The following TBC1D9 variants were observed in gnomAD, a reference collection of about 807,000 sequenced individuals.
TBC1D9 encodes the protein TBC1 domain family member 9.
Under a neutral mutation model 132.0 loss-of-function variants are expected in TBC1D9, and 63 were observed. The observed-to-expected ratio is 0.48, with a 90% CI of 0.39 to 0.59. The LOEUF is 0.59. Among genes scored for constraint, TBC1D9 ranks in the 20% least tolerant of loss-of-function variants. The pLI is 0.00. For missense variants in TBC1D9, 1,261 were observed against 1,592.7 expected (o/e 0.79, Z 3.54); for synonymous variants, 610 against 609.9 (o/e 1.00, Z 0.00).
intron 1 of TBC1D9, among the ~76,000 whole-genome samples, chr4:140,705,140 G>A (rs1738131072): frequency 6.6e-6 from 1 of 152,180 alleles, no homozygotes. Flanking sequence ...TCAAGAAACA[G>A]ACTCTTTCCA....
At chr4:140,668,677 T>C (rs1363850669) in intron 9 of TBC1D9, among the ~76,000 whole-genome samples, 3 of 152,240 alleles carry the variant, frequency 2.0e-5, no homozygotes, top group Non-Finnish European at 2.9e-5. Flanking sequence ...AATGGAAGTA[T>C]TTATAAAGAC....
intron 13 of TBC1D9, among the ~76,000 whole-genome samples, chr4:140,652,944 C>A (rs1737209537): frequency 6.6e-6 from 1 of 152,234 alleles, no homozygotes; most frequent in Non-Finnish European, 1.5e-5. Flanking sequence ...TCTGTGATAG[C>A]TGTGTACCCA....
chr4:140,669,231 A>G (rs1297948055), intron 8 of TBC1D9, among the ~76,000 whole-genome samples, 164 bp from the exon 9 acceptor site: 1 of 152,186 alleles, frequency 6.6e-6, no homozygotes. Flanking sequence ...CTCTAGTTTT[A>G]TACATCTATC....
In TBC1D9 at chr4:140,661,961, C is replaced by A. The variant is rs1215589039; in HGVS notation, c.1735G>T (p.Gly579Cys). The change falls in exon 10 of 21, where the codon GGC (glycine) becomes TGC (cysteine). Residue 579 changes from glycine to cysteine, a missense_variant. Physicochemically the swap from Gly to Cys is radical, Grantham distance 159 (BLOSUM62 -3). Coordinates refer to ENST00000442267, the MANE Select transcript of TBC1D9 (RefSeq NM_015130.3). ...PEHPAFQNEM[G>C]IAALRRVLTA... is the part of the protein sequence containing the mutation. ...AAGACTCTCCTTAGTGCAGCAATGC[C>A]CATTTCATTCTGAAAAGCTGGGTGT... is the stretch of plus-strand genomic sequence containing the variant. 6.2e-7 allele frequency: 1 copy of A among 1,613,806 alleles called. No homozygotes were observed. Among genetic ancestry groups the A allele is most frequent in the East Asian group, 2.2e-5 (1 of 44,894 alleles).
At chr4:140,693,095 C>CTA (rs1298853884) in intron 2 of TBC1D9, among the ~76,000 whole-genome samples, 2 of 151,662 alleles carry the variant, frequency 1.3e-5, no homozygotes, top group African/African-American at 2.4e-5. Flanking sequence ...GCTCTGAAGT[C>CTA]TATATATATG....
chr4:140,645,366 G>A (rs1016076305), intron 13 of TBC1D9: 10 of 476,510 alleles, frequency 2.1e-5, no homozygotes, highest in African/African-American at 5.9e-5. Flanking sequence ...GCCCACAGGC[G>A]GGTGTCGCAC....
At chr4:140,633,276 G>A (rs967326086) in intron 16 of TBC1D9, among the ~76,000 whole-genome samples, 2 of 152,104 alleles carry the variant, frequency 1.3e-5, no homozygotes, top group Admixed American at 6.5e-5. Flanking sequence ...TCAACCTTAC[G>A]TCAAGTGGGC....
rs35117175 is a variant in TBC1D9 at position 140,666,734 on chromosome 4, T to TAAA, written c.1588+2180_1588+2182dup. Among the ~76,000 whole-genome samples the TAAA allele has an allele frequency of 9.2e-3, 1,337 of 145,588 alleles. 18 individuals carry two copies. The highest frequency in any genetic ancestry group is 0.025 in the African/African-American group (992 of 40,110). On this transcript the variant is annotated intron_variant, in intron 9 of 20. Transcript: ENST00000442267. ...TCATTGCACAATTCTGTGAATATAC[T>TAAA]AAAAAAAAAAAACCACTGAATTGTA...
intron 2 of TBC1D9, among the ~76,000 whole-genome samples, chr4:140,697,660 C>T (rs1190539410): frequency 2.0e-5 from 3 of 152,240 alleles, no homozygotes; most frequent in Admixed American, 1.3e-4. Flanking sequence ...TCAGGAATAA[C>T]TCAGCTTTGT....
intron 1 of TBC1D9, among the ~76,000 whole-genome samples, chr4:140,716,353 T>C (rs1444195349): frequency 5.9e-5 from 9 of 152,002 alleles, no homozygotes; most frequent in African/African-American, 2.2e-4. Flanking sequence ...CAGCTGGGTG[T>C]AGTGGAGCTT....
chr4:140,635,846 G>C (rs1736871174), intron 15 of TBC1D9, among the ~76,000 whole-genome samples: 2 of 152,180 alleles, frequency 1.3e-5, no homozygotes, highest in South Asian at 4.1e-4. Flanking sequence ...AGGCGGGTGT[G>C]TCAGTGGCAG....
In TBC1D9 at chr4:140,648,679, C is replaced by T. The variant is rs555413641; in HGVS notation, c.2337+8418G>A. On this transcript the variant is annotated intron_variant, in intron 13 of 20. Coordinates refer to ENST00000442267, the MANE Select transcript of TBC1D9 (RefSeq NM_015130.3). The stretch of plus-strand genomic sequence containing the variant: ...GAGATTATAGATGTGAGCCATGGCA[C>T]CTGGCCAGAAAGGCAATTTTCAAAG... 6.6e-5 allele frequency among the ~76,000 whole-genome samples: 10 copies of T among 152,192 alleles called. 1 individual carries two copies. In the South Asian group the frequency reaches 2.1e-3, roughly 32 times the overall value.
intron 6 of TBC1D9, among the ~76,000 whole-genome samples, chr4:140,675,342 C>T (rs186246634): frequency 1.1e-3 from 174 of 152,156 alleles, no homozygotes; most frequent in African/African-American, 4.0e-3. Context: ...GAGAGAAACC[C>T]GAATCCTTTG....
chr4:140,640,615 C>T (rs1231182153), intron 13 of TBC1D9, among the ~76,000 whole-genome samples: 2 of 152,176 alleles, frequency 1.3e-5, no homozygotes, highest in Non-Finnish European at 1.5e-5. Flanking sequence ...TTTTGCAAGA[C>T]TCAATTTCCA....
chr4:140,666,821 G>GAT (rs10679459), intron 9 of TBC1D9, among the ~76,000 whole-genome samples: 52,997 of 150,796 alleles, frequency 0.35, 11,052 homozygotes, highest in South Asian at 0.47. Flanking sequence ...ATATATAAAT[G>GAT]ATATATATAT....
intron 1 of TBC1D9, among the ~76,000 whole-genome samples, chr4:140,720,297 C>G (rs1037489647): frequency 6.6e-6 from 1 of 152,126 alleles, no homozygotes. Flanking sequence ...AGTTTCTGGG[C>G]TCAGGAGTCA....
At chr4:140,654,255 T>C (rs1737230891) in intron 13 of TBC1D9, among the ~76,000 whole-genome samples, 3 of 152,182 alleles carry the variant, frequency 2.0e-5, no homozygotes, top group Admixed American at 6.5e-5. Context: ...TTGTACAATC[T>C]AATCCCGGTT....
chr4:140,734,308 G>A (rs1738641593), intron 1 of TBC1D9, among the ~76,000 whole-genome samples: 1 of 152,004 alleles, frequency 6.6e-6, no homozygotes, highest in South Asian at 2.1e-4. Flanking sequence ...TTTCATATTT[G>A]TTGTAGAGAT....
At chr4:140,660,509 A>G (rs1407501580) in intron 10 of TBC1D9, among the ~76,000 whole-genome samples, 1 of 152,182 alleles carries the variant, frequency 6.6e-6, no homozygotes, top group Non-Finnish European at 1.5e-5. Flanking sequence ...CTTACTCATT[A>G]TGTTCCCAAG....
Sources: allele counts gnomAD v4.1 joint callset (sites outside exome capture counted in the v4.1 genomes callset), GRCh38; gene constraint gnomAD v4.1.1; transcripts MANE v1.5; gene names NCBI Gene and HGNC (gene_info 2026-07-23, HGNC 2026-07-21).